Variants in PTPRK observed in about 807,000 individuals in gnomAD.
PTPRK encodes the protein protein tyrosine phosphatase receptor type K.
In PTPRK, 75 loss-of-function variants were observed where a neutral mutation model predicts 178.0. The ratio of observed to expected loss-of-function variants is 0.42; its 90% CI spans 0.35 to 0.51. The LOEUF is 0.51. PTPRK is among the 20% of genes least tolerant of loss of function. PTPRK has a pLI of 0.02. For missense variants in PTPRK, 1,441 were observed against 1,797.8 expected, an observed-to-expected ratio of 0.80 and a Z score of 3.59; for synonymous variants, 637 against 620.6, an observed-to-expected ratio of 1.03 and a Z score of -0.39.
chr6:127,997,137 A>C, intron 16 of PTPRK, 149 bp from the exon 17 acceptor site: 1 of 743,674 alleles, frequency 1.3e-6, no homozygotes, highest in Non-Finnish European at 2.2e-6. Context: ...TCAGACCTCA[A>C]AGCCGCTTTG....
rs562224284 is a variant in PTPRK, at chr6:128,067,438, C to T, written c.2157+81G>A. On this transcript the variant is annotated intron_variant, in intron 12 of 29. Coordinates refer to ENST00000368226, the MANE Select transcript of PTPRK (RefSeq NM_002844.4). ...TTCTTTTTCTTTTTTTTTTTCTTGA[C>T]GGATGCTACTGAGTATTCATAAAAT... 26 of 1,310,642 alleles carry T rather than the reference C, an allele frequency of 2.0e-5. No homozygotes were observed. In the South Asian group the frequency reaches 3.7e-4, roughly 19 times the overall value. 81.2% of individuals were successfully genotyped at this position (1,310,642 alleles called of 1,614,324 possible). A position where few individuals can be genotyped will look rare whatever the true frequency, so the allele number is the denominator to read the frequency against.
intron 7 of PTPRK, among the ~76,000 whole-genome samples, chr6:128,171,866 T>G (rs991919191): frequency 2.0e-5 from 3 of 152,020 alleles, no homozygotes; most frequent in Non-Finnish European, 4.4e-5. Flanking sequence ...TATGTATACA[T>G]GTTTCAGTCA....
At chr6:128,468,458 C>A (rs1850183158) in intron 1 of PTPRK, among the ~76,000 whole-genome samples, 1 of 151,624 alleles carries the variant, frequency 6.6e-6, no homozygotes, top group Non-Finnish European at 1.5e-5. Flanking sequence ...CAATACAATA[C>A]AATAACATTG....
At chr6:127,999,736 T>C (rs1419159895) in intron 15 of PTPRK, among the ~76,000 whole-genome samples, 1 of 152,062 alleles carries the variant, frequency 6.6e-6, no homozygotes, top group Non-Finnish European at 1.5e-5. Context: ...ATTTATCTAC[T>C]TGGCTATTTT....
chr6:128,107,103 T>C (rs149707838), intron 7 of PTPRK, among the ~76,000 whole-genome samples: 21 of 152,192 alleles, frequency 1.4e-4, no homozygotes, highest in African/African-American at 4.8e-4. Flanking sequence ...TACATTCTGA[T>C]AAATAACCAA....
chr6:128,029,638 AAATAAT>A (rs55955361), intron 13 of PTPRK, among the ~76,000 whole-genome samples: 10,508 of 136,908 alleles, frequency 0.077, 471 homozygotes, highest in African/African-American at 0.1. Flanking sequence ...TTCCATCTCA[AAATAAT>A]AATAATAATA....
chr6:128,117,908 C>T (rs2114378483), intron 7 of PTPRK, among the ~76,000 whole-genome samples: 1 of 152,224 alleles, frequency 6.6e-6, no homozygotes, highest in South Asian at 2.1e-4. Flanking sequence ...CCACGTCGGC[C>T]AAAGTGTTGG....
At chr6:128,114,107 T>C (rs1297697264) in intron 7 of PTPRK, among the ~76,000 whole-genome samples, 1 of 152,070 alleles carries the variant, frequency 6.6e-6, no homozygotes, top group Non-Finnish European at 1.5e-5. Context: ...GTGGGGTGTA[T>C]TCCAGATTGT....
At chr6:128,130,132 T>G (rs1793993335) in intron 7 of PTPRK, among the ~76,000 whole-genome samples, 2 of 152,212 alleles carry the variant, frequency 1.3e-5, no homozygotes, top group Admixed American at 1.3e-4. Context: ...AAATAATTGC[T>G]TAAGTCTAAA....
chr6:128,517,171 AG>A (rs1236546372), intron 1 of PTPRK, among the ~76,000 whole-genome samples: 1 of 152,050 alleles, frequency 6.6e-6, no homozygotes, highest in African/African-American at 2.4e-5. Flanking sequence ...AGGAGTAAAA[AG>A]CTGAGACTAA....
At chr6:128,236,238 C>CA (rs1813235891) in intron 5 of PTPRK, among the ~76,000 whole-genome samples, 1 of 150,890 alleles carries the variant, frequency 6.6e-6, no homozygotes, top group African/African-American at 2.4e-5. Context: ...AATCATTAAC[C>CA]AAAAAATGCG....
intron 1 of PTPRK, among the ~76,000 whole-genome samples, chr6:128,412,304 A>T (rs1842398635): frequency 6.6e-6 from 1 of 152,224 alleles, no homozygotes; most frequent in South Asian, 2.1e-4. Flanking sequence ...GGTGGGGGGT[A>T]CATTAATATG....
chr6:128,468,119 A>T (rs1252193640), intron 1 of PTPRK, among the ~76,000 whole-genome samples: 6 of 152,228 alleles, frequency 3.9e-5, no homozygotes, highest in Non-Finnish European at 5.9e-5. Flanking sequence ...AACGCGTGGC[A>T]ATTAGTGGAC....
intron 3 of PTPRK, among the ~76,000 whole-genome samples, chr6:128,269,002 G>A (rs1439232907): frequency 6.6e-6 from 1 of 151,916 alleles, no homozygotes; most frequent in Non-Finnish European, 1.5e-5. Context: ...TAACATTCCT[G>A]AAGGGAATAA....
At chr6:128,380,755 G>C (rs376119575) in intron 2 of PTPRK, among the ~76,000 whole-genome samples, 3 of 152,060 alleles carry the variant, frequency 2.0e-5, no homozygotes, top group Admixed American at 6.6e-5. Flanking sequence ...TTCAACAGAC[G>C]TAACCAAGGC....
chr6:128,129,504 C>T (rs1793890139), intron 7 of PTPRK, among the ~76,000 whole-genome samples: 1 of 152,050 alleles, frequency 6.6e-6, no homozygotes, highest in South Asian at 2.1e-4. Context: ...TTGTTACATT[C>T]ATATTAGAAA....
chr6:128,085,227 T>G (rs1785546875), intron 8 of PTPRK: 2 of 152,298 alleles, frequency 1.3e-5, no homozygotes, highest in Non-Finnish European at 2.9e-5. Flanking sequence ...ATGAGAGAAG[T>G]TAACTGAATG....
At chr6:128,199,388 T>C (rs1455869617) in intron 6 of PTPRK, among the ~76,000 whole-genome samples, 1 of 152,196 alleles carries the variant, frequency 6.6e-6, no homozygotes, top group Admixed American at 6.6e-5. Flanking sequence ...AGATGCCATA[T>C]ACCTGTTACT....
intron 3 of PTPRK, chr6:128,321,681 C>T (rs1429461713): frequency 3.1e-6 from 2 of 638,920 alleles, no homozygotes; most frequent in African/African-American, 3.7e-5. Flanking sequence ...AAGGCTATTT[C>T]TTCCTGAACA....
Sources: gnomAD v4.1 joint callset for allele counts (sites outside exome capture counted in the v4.1 genomes callset) on GRCh38, gnomAD v4.1.1 for gene constraint, MANE v1.5 for transcripts, NCBI Gene and HGNC (gene_info 2026-07-23, HGNC 2026-07-21) for gene names.